The following RNFT2 variants were observed in gnomAD, a reference collection of about 807,000 sequenced individuals.
RNFT2 encodes the protein E3 ubiquitin-protein ligase RNFT2.
In RNFT2, 36 loss-of-function variants were observed where a neutral mutation model predicts 53.0. That is an observed-to-expected ratio of 0.68 (90% CI 0.52 to 0.90). The LOEUF is 0.90. Among genes scored for constraint, RNFT2 ranks in the 40% least tolerant of loss-of-function variants. RNFT2 has a pLI of 0.00. For missense variants in RNFT2, 514 were observed against 585.6 expected, an observed-to-expected ratio of 0.88 and a Z score of 1.26; for synonymous variants, 260 against 253.2, an observed-to-expected ratio of 1.03 and a Z score of -0.26.
Position 116,750,192 on chromosome 12 carries a change from G to T in RNFT2, c.435G>T (p.Gln145His). 1.2e-6 allele frequency: 2 copies of T among 1,601,684 alleles called. No individual in the cohort carries two copies. Among genetic ancestry groups the T allele is most frequent in the Non-Finnish European group, 1.7e-6 (2 of 1,177,718 alleles). The stretch of plus-strand genomic sequence containing the variant: ...ACTCGGAGGAGGGAGGCGACGAGCA[G>T]CCTGGGACGCCCGCCCCCGCCCTGT... ...RGHSEEGGDE[Q>H]PGTPAPALSE... The change falls in exon 4 of 11, where the codon CAG (glutamine) becomes CAT (histidine). Residue 145 changes from glutamine (Q) to histidine (H), a missense_variant. By Grantham distance (24) the Gln-to-His change is conservative. Around this residue, in one of 3 missense-constraint regions of RNFT2, gnomAD observed 237 missense variants for 235.1 expected, o/e 1.01. Coordinates refer to ENST00000257575, the MANE Select transcript of RNFT2 (RefSeq NM_001382266.1).
chr12:116,750,872 A>C (rs1255582484), intron 4 of RNFT2, among the ~76,000 whole-genome samples: 2 of 1,160 alleles, frequency 1.7e-3, no homozygotes, highest in Non-Finnish European at 8.1e-3. Context: ...TATATATATA[A>C]TATATATATT....
intron 7 of RNFT2, among the ~76,000 whole-genome samples, chr12:116,796,177 G>A (rs1340126850): frequency 6.6e-6 from 1 of 152,110 alleles, no homozygotes; most frequent in Admixed American, 6.6e-5. Flanking sequence ...CCAAAGTGCT[G>A]GGATTACAGG....
chr12:116,832,318 A>G (rs1180365438), intron 7 of RNFT2, among the ~76,000 whole-genome samples: 3 of 152,012 alleles, frequency 2.0e-5, no homozygotes, highest in East Asian at 1.9e-4. Flanking sequence ...TTATACAACA[A>G]ATATTCTTCC....
chr12:116,742,505 G>A (rs7301309), intron 3 of RNFT2, among the ~76,000 whole-genome samples: 10 of 152,070 alleles, frequency 6.6e-5, no homozygotes, highest in Admixed American at 5.2e-4. Context: ...GGGCTCAAGC[G>A]ATCTGTCCGA....
chr12:116,836,540 A>T (rs561473520), intron 10 of RNFT2, among the ~76,000 whole-genome samples: 19 of 152,296 alleles, frequency 1.2e-4, no homozygotes, highest in Non-Finnish European at 2.9e-5. Flanking sequence ...GTAACATCAA[A>T]ATATCCTGCA....
At chr12:116,779,480 C>G (rs1021475240) in intron 7 of RNFT2, 132 bp downstream of exon 7, 3 of 935,194 alleles carry the variant, frequency 3.2e-6, no homozygotes, top group African/African-American at 3.3e-5. Flanking sequence ...AGAGCCTGAG[C>G]TCATAGCTCC....
intron 7 of RNFT2, among the ~76,000 whole-genome samples, chr12:116,788,705 G>C (rs1874051661): frequency 6.6e-6 from 1 of 152,176 alleles, no homozygotes; most frequent in South Asian, 2.1e-4. Context: ...AGTGTTCATT[G>C]TATGTATGTA....
At chr12:116,842,084 A>G (rs886803698) in intron 10 of RNFT2, among the ~76,000 whole-genome samples, 16 of 149,982 alleles carry the variant, frequency 1.1e-4, no homozygotes, top group Non-Finnish European at 2.2e-4. Flanking sequence ...TCCTGGCTCA[A>G]CTTGGGGAGG....
In RNFT2 at chr12:116,833,775, T is replaced by A; in HGVS notation, c.883-17T>A. 1.2e-6 allele frequency: 2 copies of A among 1,612,106 alleles called. No individual in the cohort carries two copies. The highest frequency in any genetic ancestry group is 1.7e-6 in the Non-Finnish European group (2 of 1,178,980). On this transcript the variant is annotated splice_polypyrimidine_tract_variant and intron_variant, in intron 7 of 10. Coordinates refer to ENST00000257575, the MANE Select transcript of RNFT2 (RefSeq NM_001382266.1). The stretch of plus-strand genomic sequence containing the variant: ...CTTTACTGCTAATAATAATTGATGT[T>A]CTCTGTGTGGTTGCAGGGAAAGTTC...
chr12:116,743,391 C>G (rs562386016), intron 3 of RNFT2, among the ~76,000 whole-genome samples: 2 of 151,632 alleles, frequency 1.3e-5, no homozygotes, highest in Non-Finnish European at 2.9e-5. Context: ...CTCTGTCTCC[C>G]GAGTAGTTGG....
chr12:116,759,697 A>C (rs1261878907), intron 5 of RNFT2, among the ~76,000 whole-genome samples: 1 of 152,174 alleles, frequency 6.6e-6, no homozygotes, highest in Non-Finnish European at 1.5e-5. Context: ...GTCTGCACAG[A>C]GTCCTGTGAT....
intron 3 of RNFT2, among the ~76,000 whole-genome samples, chr12:116,741,515 T>C (rs1027494697): frequency 6.6e-6 from 1 of 152,224 alleles, no homozygotes; most frequent in African/African-American, 2.4e-5. Context: ...GGCCATTCTT[T>C]TGCTATGTCT....
intron 7 of RNFT2, among the ~76,000 whole-genome samples, chr12:116,790,374 G>A (rs1874177086): frequency 1.6e-5 from 2 of 125,104 alleles, no homozygotes; most frequent in Admixed American, 7.2e-5. Flanking sequence ...CTGTATTCGT[G>A]AGTTTATATC....
chr12:116,813,393 G>T (rs1387305063), intron 7 of RNFT2, among the ~76,000 whole-genome samples: 1 of 152,160 alleles, frequency 6.6e-6, no homozygotes, highest in African/African-American at 2.4e-5. Flanking sequence ...CCAGGCCTTT[G>T]CAGTGGCTGT....
intron 10 of RNFT2, among the ~76,000 whole-genome samples, chr12:116,841,798 TATATATAA>T (rs1188019328): frequency 1.1e-5 from 1 of 87,998 alleles, no homozygotes; most frequent in African/African-American, 5.9e-5. Context: ...TATATAAATA[TATATATAA>T]ATATATATAT....
chr12:116,822,706 A>T (rs1876109799), intron 7 of RNFT2, among the ~76,000 whole-genome samples: 1 of 151,016 alleles, frequency 6.6e-6, no homozygotes, highest in South Asian at 2.1e-4. Context: ...AAGAGGAGAG[A>T]TAGAAAGAGA....
intron 7 of RNFT2, among the ~76,000 whole-genome samples, chr12:116,823,860 C>G (rs888027485): frequency 2.6e-5 from 4 of 152,152 alleles, no homozygotes; most frequent in African/African-American, 9.7e-5. Flanking sequence ...GCTCATTCAT[C>G]CTCCCAACAA....
At chr12:116,803,094 TAA>T (rs11285914) in intron 7 of RNFT2, among the ~76,000 whole-genome samples, 12 of 150,432 alleles carry the variant, frequency 8.0e-5, no homozygotes, top group East Asian at 2.0e-4. Flanking sequence ...GACCCTGTCT[TAA>T]AAAAAAAAAT....
chr12:116,766,124 T>TAAAA (rs2137098021), intron 5 of RNFT2, among the ~76,000 whole-genome samples: 2 of 145,478 alleles, frequency 1.4e-5, no homozygotes, highest in South Asian at 2.3e-4. Flanking sequence ...AATAAAAATT[T>TAAAA]TTTTTTAATT....
Sources: allele counts gnomAD v4.1 joint callset (sites outside exome capture counted in the v4.1 genomes callset), GRCh38; gene constraint gnomAD v4.1.1; regional missense constraint gnomAD v4.1.1; transcripts MANE v1.5; gene names NCBI Gene and HGNC (gene_info 2026-07-23, HGNC 2026-07-21).